Variants in SPDL1 observed in about 807,000 individuals in gnomAD.
The protein encoded by SPDL1 is protein Spindly.
SPDL1 carries 85 observed loss-of-function variants against 79.5 expected under a neutral mutation model. The observed-to-expected ratio is 1.07, with a 90% CI of 0.90 to 1.28. The LOEUF is 1.28. SPDL1 is among the 50% of genes most tolerant of loss of function. The pLI is 0.00. For missense variants in SPDL1, 703 were observed against 697.8 expected (o/e 1.01, Z -0.08); for synonymous variants, 269 against 240.3 (o/e 1.12, Z -1.10).
Position 169,604,076 on chromosome 5 carries a change from A to G in SPDL1, c.1687A>G (p.Lys563Glu), listed in dbSNP as rs751553289. The G allele has an allele frequency of 1.2e-5, 19 of 1,610,766 alleles. No individual in the cohort carries two copies. Among genetic ancestry groups the G allele is most frequent in the African/African-American group, 2.7e-5 (2 of 74,554 alleles). The change falls in exon 12 of 12, where the codon AAG (lysine) becomes GAG (glutamate). Residue 563 changes from lysine to glutamate, a missense_variant. Transcript: ENST00000265295. Reference protein sequence around the residue: ...PNSPRLAAESKLQTEVKEGKE... With the variant: ...PNSPRLAAESELQTEVKEGKE... ...TGCCTGTAGGTTAGCTGCTGAATCA[A>G]AGCTTCAAACAGAAGTTAAAGAAGG...
intron 2 of SPDL1, 195 bp from the exon 3 acceptor site, chr5:169,590,853 T>A: frequency 1.6e-6 from 1 of 636,442 alleles, no homozygotes; most frequent in South Asian, 1.5e-5. Context: ...GGGTTTAACA[T>A]AGTTTCGAAA....
chr5:169,594,256 C>A lies in SPDL1; in HGVS notation c.643C>A (p.Arg215=). 2 of 1,613,904 alleles carry A rather than the reference C, an allele frequency of 1.2e-6. No homozygotes were observed. The highest frequency in any genetic ancestry group is 1.7e-6 in the Non-Finnish European group (2 of 1,179,880). The change falls in exon 5 of 12, where the codon CGA becomes AGA. Residue 215 remains arginine (R), a synonymous_variant. Transcript: ENST00000265295. The part of the protein sequence containing the change: ...VDRLKEEKEE[R]EKEAVSYYNA... ...CCGGCTTAAAGAGGAAAAAGAGGAG[C>A]GAGAGAAAGAAGCAGTTTCTTACTA...
At chr5:169,588,665 C>A in intron 2 of SPDL1, 90 bp downstream of exon 2, 1 of 1,233,392 alleles carries the variant, frequency 8.1e-7, no homozygotes, top group South Asian at 1.9e-5. Context: ...GTAGTTTATT[C>A]TTTTCTGAAG....
At position 169,594,213 on chromosome 5, in the gene SPDL1, C is replaced by T; in HGVS notation, c.600C>T (p.Asn200=). 1 of 1,613,802 alleles carries T rather than the reference C, an allele frequency of 6.2e-7. No homozygotes were observed. Among genetic ancestry groups the T allele is most frequent in the Non-Finnish European group, 8.5e-7 (1 of 1,179,748 alleles). ...AACAGCTAGAACTTCTTATTACTAA[C>T]CTAATGCGCCAGGTAGACCGGCTTA... ...RQEQLELLIT[N]LMRQVDRLKE... Residue 200 remains asparagine (N), a synonymous_variant, in exon 5 of 12, where the codon AAC becomes AAT. Coordinates refer to ENST00000265295, the MANE Select transcript of SPDL1 (RefSeq NM_017785.5).
rs770957827 is a variant in SPDL1, at chr5:169,594,500, T to C, written c.780+8T>C. ...AACTCTTTGTTTGCAGAGGTACTTA[T>C]AAGTATCCTAACTACTAAATTGGTA... On this transcript the variant is annotated splice_region_variant and intron_variant, in intron 6 of 11. Coordinates refer to ENST00000265295, the MANE Select transcript of SPDL1 (RefSeq NM_017785.5). 3.1e-6 allele frequency: 5 copies of C among 1,613,200 alleles called. No individual in the cohort carries two copies. Among genetic ancestry groups the C allele is most frequent in the Admixed American group, 1.7e-5 (1 of 59,994 alleles).
At chr5:169,588,069 C>T (rs1440161294) in intron 1 of SPDL1, among the ~76,000 whole-genome samples, 2 of 152,108 alleles carry the variant, frequency 1.3e-5, no homozygotes. Context: ...GATAGTGGTC[C>T]AATTATGAGA....
chr5:169,603,927 A>G (rs1027450017), intron 11 of SPDL1, 133 bp from the exon 12 acceptor site: 12 of 806,630 alleles, frequency 1.5e-5, no homozygotes, highest in Admixed American at 3.0e-5. Flanking sequence ...TAATATTCTT[A>G]CAGTATTAGA....
At chr5:169,592,269 T>C (rs992765115) in intron 3 of SPDL1, among the ~76,000 whole-genome samples, 1 of 132,590 alleles carries the variant, frequency 7.5e-6, no homozygotes, top group African/African-American at 2.9e-5. Context: ...CAGGCTGGAG[T>C]GCAGTGGCAT....
In SPDL1 at chr5:169,598,536, A is replaced by G. The variant is rs1456394773; in HGVS notation, c.1093A>G (p.Thr365Ala). 1.2e-6 allele frequency: 2 copies of G among 1,613,086 alleles called. No homozygotes were observed. The highest frequency in any genetic ancestry group is 1.7e-6 in the Non-Finnish European group (2 of 1,179,216). The change falls in exon 9 of 12, where the codon ACC becomes GCC. Residue 365 changes from threonine (T) to alanine (A), a missense_variant. Coordinates refer to ENST00000265295, the MANE Select transcript of SPDL1 (RefSeq NM_017785.5). ...SVDSGTLEDN[T>A]YYTDLLQMKL... ...CGACTCTGGTACTCTGGAAGATAAC[A>G]CCTATTATACAGATTTACTTCAGAT...
At chr5:169,600,394 T>A (rs1280407277) in intron 10 of SPDL1, among the ~76,000 whole-genome samples, 2 of 152,114 alleles carry the variant, frequency 1.3e-5, no homozygotes, top group Non-Finnish European at 2.9e-5. Context: ...ACACAGCAAA[T>A]AGACAGGAGG....
intron 11 of SPDL1, among the ~76,000 whole-genome samples, chr5:169,603,471 TTG>T (rs1345522925): frequency 6.6e-6 from 1 of 152,228 alleles, no homozygotes; most frequent in South Asian, 2.1e-4. Context: ...ATTTCAGTTT[TTG>T]TGTTAGGTGT....
chr5:169,596,093 T>C (rs1199601899), intron 7 of SPDL1: 1 of 155,020 alleles, frequency 6.5e-6, no homozygotes, highest in East Asian at 1.9e-4. Flanking sequence ...CCCAGTATAC[T>C]AAGATAGCCT....
In SPDL1 at chr5:169,594,592, A is replaced by G. The variant is rs202212561; in HGVS notation, c.802A>G (p.Met268Val). Residue 268 changes from methionine (M) to valine (V), a missense_variant, in exon 7 of 12, where the codon ATG (methionine) becomes GTG (valine). Physicochemically the swap from Met to Val is conservative, Grantham distance 21 (BLOSUM62 1). Transcript: ENST00000265295. ...GTAGGTGGAAGATCGAAGGGCAGCA[A>G]TGGAACGTCAGCTCATCAGTATGAA... The part of the protein sequence containing the change: ...FAEVEDRRAA[M>V]ERQLISMKVK... 15 of 1,614,030 alleles carry G rather than the reference A, an allele frequency of 9.3e-6. No homozygotes were observed. Among genetic ancestry groups the G allele is most frequent in the East Asian group, 8.9e-5 (4 of 44,868 alleles).
intron 11 of SPDL1, among the ~76,000 whole-genome samples, chr5:169,603,049 A>G (rs957659310): frequency 6.6e-6 from 1 of 152,192 alleles, no homozygotes; most frequent in Non-Finnish European, 1.5e-5. Context: ...CTCAAGTAGC[A>G]CGTTGGAAAC....
intron 11 of SPDL1, among the ~76,000 whole-genome samples, chr5:169,602,753 C>G (rs1373690137): frequency 6.6e-6 from 1 of 152,114 alleles, no homozygotes; most frequent in African/African-American, 2.4e-5. Context: ...ATGTTATAAC[C>G]TCTGAGTCAC....
At chr5:169,589,894 G>C (rs911749472) in intron 2 of SPDL1, among the ~76,000 whole-genome samples, 4 of 151,938 alleles carry the variant, frequency 2.6e-5, no homozygotes, top group African/African-American at 7.3e-5. Context: ...GTAGAGATGG[G>C]GTTTCACCAT....
Position 169,594,637 on chromosome 5 carries a change from A to C in SPDL1, c.847A>C (p.Lys283Gln). Residue 283 changes from lysine to glutamine, a missense_variant, in exon 7 of 12, where the codon AAG becomes CAG. Physicochemically the swap from Lys to Gln is moderately conservative, Grantham distance 53. Transcript: ENST00000265295. ...TATGAAAGTCAAGTATCAGTCACTA[A>C]AGAAGCAAAATGTATTTAACAGAGA... ...ISMKVKYQSL[K>Q]KQNVFNREQM... The C allele has an allele frequency of 1.2e-6, 2 of 1,613,924 alleles. No homozygotes were observed. The highest frequency in any genetic ancestry group is 1.7e-6 in the Non-Finnish European group (2 of 1,179,806).
intron 1 of SPDL1, chr5:169,584,155 C>T (rs1754851741): frequency 1.3e-5 from 2 of 152,248 alleles, no homozygotes; most frequent in Admixed American, 6.5e-5. Context: ...GCCACTGGAT[C>T]TGCGCTGTGC....
intron 11 of SPDL1, among the ~76,000 whole-genome samples, chr5:169,602,881 G>A (rs1252529304): frequency 6.6e-6 from 1 of 152,172 alleles, no homozygotes; most frequent in African/African-American, 2.4e-5. Flanking sequence ...GTTTATATGT[G>A]ATGCATTGTA....
Sources: gnomAD v4.1 joint callset for allele counts (sites outside exome capture counted in the v4.1 genomes callset) on GRCh38, gnomAD v4.1.1 for gene constraint, MANE v1.5 for transcripts, NCBI Gene and HGNC (gene_info 2026-07-23, HGNC 2026-07-21) for gene names.